MCF2L: variants seen among roughly 807,000 people sequenced by gnomAD.
The protein encoded by MCF2L is guanine nucleotide exchange factor DBS.
Under a neutral mutation model 153.4 loss-of-function variants are expected in MCF2L, and 97 were observed. The observed-to-expected ratio is 0.63, with a 90% confidence interval of 0.54 to 0.75. The LOEUF (loss-of-function observed/expected upper bound fraction) is 0.75. MCF2L is among the 30% of genes least tolerant of loss of function. The pLI is 0.00. For missense variants in MCF2L, 1,347 were observed against 1,495.2 expected (o/e 0.90, Z 1.64); for synonymous variants, 659 against 632.2 (o/e 1.04, Z -0.64).
intron 2 of MCF2L, among the ~76,000 whole-genome samples, chr13:112,955,367 C>G (rs1352445077): frequency 6.6e-6 from 1 of 152,188 alleles, no homozygotes; most frequent in East Asian, 1.9e-4. Flanking sequence ...GAGCCGCACC[C>G]GATGGGTCTG....
chr13:112,895,043 A>G (rs986560814), intron 1 of MCF2L, among the ~76,000 whole-genome samples: 10 of 152,104 alleles, frequency 6.6e-5, no homozygotes, highest in Non-Finnish European at 1.0e-4. Context: ...CAGGTCCCCA[A>G]ACAGACAGCG....
At chr13:112,928,578 A>T (rs1439666312) in intron 2 of MCF2L, among the ~76,000 whole-genome samples, 1 of 152,200 alleles carries the variant, frequency 6.6e-6, no homozygotes, top group Non-Finnish European at 1.5e-5. Flanking sequence ...CCCCCAAAAA[A>T]GTCATGATGA....
At chr13:112,995,438 C>T (rs12876941) in intron 1 of MCF2L, among the ~76,000 whole-genome samples, 37,005 of 152,222 alleles carry the variant, frequency 0.24, 5,661 homozygotes, top group Non-Finnish European at 0.34. Context: ...GTGCTTAGTA[C>T]GTGTTGGCAC....
chr13:112,978,404 C>A (rs539943131), intron 1 of MCF2L, among the ~76,000 whole-genome samples: 8 of 152,326 alleles, frequency 5.3e-5, no homozygotes, highest in African/African-American at 7.2e-5. Context: ...ATGTGGAGCT[C>A]TGTCTTTCCT....
At chr13:112,898,360 G>A (rs373515592) in intron 1 of MCF2L, among the ~76,000 whole-genome samples, 16 of 152,324 alleles carry the variant, frequency 1.1e-4, no homozygotes, top group African/African-American at 2.9e-4. Flanking sequence ...AGGTGGGCGC[G>A]TGTTTGTTTT....
At chr13:113,085,653 A>C (rs1171033878) in intron 20 of MCF2L, among the ~76,000 whole-genome samples, 253 of 131,902 alleles carry the variant, frequency 1.9e-3, no homozygotes, top group East Asian at 6.8e-3. Context: ...ACCTGGCATC[A>C]GGGTGGCAGG....
At chr13:112,984,004 T>C (rs567339189) in intron 1 of MCF2L, among the ~76,000 whole-genome samples, 3 of 151,354 alleles carry the variant, frequency 2.0e-5, no homozygotes, top group Non-Finnish European at 4.4e-5. Context: ...TAACCAAGAG[T>C]GGATGTTGTC....
chr13:113,082,692 A>G lies in MCF2L; in HGVS notation c.1991+150A>G, dbSNP rs572317001. On this transcript the variant is annotated intron_variant, in intron 17 of 29. Transcript: ENST00000535094. ...GTGGACTCACAGAGGCACAGGCTTG[A>G]GTGTGGGTACATGGGGCCATCTCTG... 6.3e-6 allele frequency: 4 copies of G among 631,720 alleles called. No homozygotes were observed. The African/African-American group carries it at 7.2e-5, about 11-fold the overall frequency. 39.1% of individuals were successfully genotyped at this position (631,720 alleles called of 1,614,324 possible).
rs369094549 is a variant in MCF2L at position 113,011,933 on chromosome 13, G to A, written c.80-2830G>A. On this transcript the variant is annotated intron_variant, in intron 1 of 29. Coordinates refer to ENST00000535094, the MANE Select transcript of MCF2L (RefSeq NM_001112732.3). ...ACTGTGATGCGGACGGTGGACAGGC[G>A]GTGTGGATGGTGGACAGGCGGTGTG... 1.4e-3 allele frequency among the ~76,000 whole-genome samples: 139 copies of A among 99,744 alleles called. 1 individual carries two copies. The highest frequency in any genetic ancestry group is 3.0e-3 in the African/African-American group (85 of 28,260). 65.4% of individuals were successfully genotyped at this position (99,744 alleles called of 152,430 possible).
At chr13:112,896,853 C>A (rs527661522) in intron 1 of MCF2L, among the ~76,000 whole-genome samples, 1 of 152,234 alleles carries the variant, frequency 6.6e-6, no homozygotes, top group Non-Finnish European at 1.5e-5. Flanking sequence ...CAGAGCTTCC[C>A]GCCTCACAGA....
chr13:112,932,899 C>A lies in MCF2L; in HGVS notation c.169+30528C>A, dbSNP rs2081477567. ...TACAAAAATTAGCCTGGTGTGGTGACACACACCTGTAATCCCAGCTACCCA... is the reference window on the plus strand; with the variant it reads ...TACAAAAATTAGCCTGGTGTGGTGAAACACACCTGTAATCCCAGCTACCCA... On this transcript the variant is annotated intron_variant, in intron 2 of 29. Coordinates refer to the MCF2L transcript ENST00000375608. The surrounding 1 kb of genome is among the most constrained non-coding windows in gnomAD (Gnocchi z 4.6). Among the ~76,000 whole-genome samples, 1 of 152,042 alleles carries A rather than the reference C, an allele frequency of 6.6e-6. No homozygotes were observed. The highest frequency in any genetic ancestry group is 2.4e-5 in the African/African-American group (1 of 41,418).
chr13:113,086,417 G>A (rs1036273633), intron 21 of MCF2L, among the ~76,000 whole-genome samples, 168 bp downstream of exon 21: 2 of 152,088 alleles, frequency 1.3e-5, no homozygotes, highest in South Asian at 2.1e-4. Flanking sequence ...CCCCACAGCC[G>A]GGTCCACAGA....
chr13:113,004,957 A>C (rs182233347), intron 1 of MCF2L, among the ~76,000 whole-genome samples: 1 of 152,146 alleles, frequency 6.6e-6, no homozygotes. Context: ...TTCCTCAAGT[A>C]ATTGAAAAGA....
In MCF2L at chr13:113,004,716, G is replaced by A. The variant is rs758399659; in HGVS notation, c.80-10047G>A. 1.5e-4 allele frequency among the ~76,000 whole-genome samples: 23 copies of A among 152,328 alleles called. No individual in the cohort carries two copies. In the East Asian group the frequency reaches 4.4e-3, roughly 29 times the overall value. On this transcript the variant is annotated intron_variant, in intron 1 of 29. Coordinates refer to ENST00000535094, the MANE Select transcript of MCF2L (RefSeq NM_001112732.3). The stretch of plus-strand genomic sequence containing the variant: ...TGTTCAGGGTGAGGTCTGTGCTCCC[G>A]CAGGGCCAGTGAGTGTCTTTCCTGT...
rs1350332473 is a variant in MCF2L, at chr13:113,028,437, T to G, written c.278+3679T>G. 6.6e-6 allele frequency among the ~76,000 whole-genome samples: 1 copy of G among 152,204 alleles called. No homozygotes were observed. The highest frequency in any genetic ancestry group is 2.4e-5 in the African/African-American group (1 of 41,452). ...GTCTGCTTCTCCTGAGATCCAGGAA[T>G]CTCAGATGGGTCCAGACTCCTGCAG... is the stretch of plus-strand genomic sequence containing the variant. On this transcript the variant is annotated intron_variant, in intron 3 of 29. Transcript: ENST00000535094. This position sits in a 1 kb window ranked among gnomAD's most constrained non-coding sequence, Gnocchi z 5.4.
intron 2 of MCF2L, among the ~76,000 whole-genome samples, chr13:113,018,232 C>A (rs75117834): frequency 0.014 from 2,174 of 152,314 alleles, 49 homozygotes; most frequent in African/African-American, 0.05. Flanking sequence ...GGAAGTCACA[C>A]CTGGACTCTG....
At chr13:113,051,684 G>T (rs1221294232) in intron 4 of MCF2L, among the ~76,000 whole-genome samples, 1 of 152,232 alleles carries the variant, frequency 6.6e-6, no homozygotes, top group Admixed American at 6.5e-5. Flanking sequence ...TATATGTCAA[G>T]AGTATCTGAA....
intron 3 of MCF2L, among the ~76,000 whole-genome samples, chr13:113,039,204 G>T (rs2141459068): frequency 6.6e-6 from 1 of 152,318 alleles, no homozygotes; most frequent in African/African-American, 2.4e-5. Flanking sequence ...GTAGCACAGA[G>T]GGGGATGGAC....
chr13:112,964,672 T>C (rs753216432), upstream of MCF2L, among the ~76,000 whole-genome samples: 4 of 152,190 alleles, frequency 2.6e-5, no homozygotes, highest in Admixed American at 6.5e-5. Flanking sequence ...CTGATTAAAA[T>C]TTGAAACACA....
Sources: allele counts gnomAD v4.1 joint callset (sites outside exome capture counted in the v4.1 genomes callset), GRCh38; gene constraint gnomAD v4.1.1; non-coding constraint Gnocchi (gnomAD v3.1); transcripts MANE v1.5; gene names NCBI Gene and HGNC (gene_info 2026-07-23, HGNC 2026-07-21).